Variants in RABGAP1L observed in about 807,000 individuals in gnomAD.
RABGAP1L encodes the protein RAB GTPase activating protein 1 like, also known as rab GTPase-activating protein 1-like.
RABGAP1L carries 63 observed loss-of-function variants against 137.7 expected under a neutral mutation model. The ratio of observed to expected loss-of-function variants is 0.46; its 90% confidence interval spans 0.37 to 0.56. RABGAP1L has a LOEUF of 0.56. Ranked by LOEUF, RABGAP1L falls within the 20% of genes least tolerant of loss-of-function variation. RABGAP1L has a pLI of 0.00. For synonymous variants in RABGAP1L, 431 were observed against 433.7 expected (o/e 0.99, Z 0.08); for missense variants, 1,095 against 1,244.0 (o/e 0.88, Z 1.80).
intron 1 of RABGAP1L, among the ~76,000 whole-genome samples, chr1:174,165,105 G>C (rs981602084): frequency 1.3e-5 from 2 of 152,188 alleles, no homozygotes; most frequent in African/African-American, 4.8e-5. Flanking sequence ...GTGGTAAAAA[G>C]ATAAAGATAA....
At chr1:174,263,249 A>G (rs996478511) in intron 7 of RABGAP1L, among the ~76,000 whole-genome samples, 3 of 152,294 alleles carry the variant, frequency 2.0e-5, no homozygotes, top group Non-Finnish European at 1.5e-5. Flanking sequence ...CAGTCCAACA[A>G]ACTTCTTTGC....
chr1:174,438,530 C>A (rs1383545990), intron 13 of RABGAP1L, among the ~76,000 whole-genome samples: 1 of 151,448 alleles, frequency 6.6e-6, no homozygotes, highest in Non-Finnish European at 1.5e-5. Flanking sequence ...CCAGCCTGGT[C>A]AACATAGTGA....
At chr1:174,418,418 A>G (rs1286456785) in intron 13 of RABGAP1L, among the ~76,000 whole-genome samples, 2 of 152,190 alleles carry the variant, frequency 1.3e-5, no homozygotes, top group African/African-American at 2.4e-5. Context: ...AAGTCACTGG[A>G]TAATTATTGA....
intron 14 of RABGAP1L, among the ~76,000 whole-genome samples, chr1:174,674,244 C>G (rs1572760670): frequency 8.1e-6 from 1 of 122,766 alleles, no homozygotes; most frequent in Non-Finnish European, 1.7e-5. Context: ...CCCCCTCCCC[C>G]CACCCCACAA....
chr1:174,649,067 A>T (rs1675234685), intron 14 of RABGAP1L, among the ~76,000 whole-genome samples: 1 of 151,546 alleles, frequency 6.6e-6, no homozygotes, highest in African/African-American at 2.4e-5. Context: ...ATATTCCCCC[A>T]TCTCTTTATT....
At chr1:174,190,117 A>G (rs996276910) in intron 1 of RABGAP1L, among the ~76,000 whole-genome samples, 7 of 152,126 alleles carry the variant, frequency 4.6e-5, no homozygotes, top group African/African-American at 7.2e-5. Context: ...ATCCTGGCCA[A>G]CATGGTGAAA....
At chr1:174,671,101 ATTG>A in intron 14 of RABGAP1L, among the ~76,000 whole-genome samples, 1 of 152,098 alleles carries the variant, frequency 6.6e-6, no homozygotes, top group East Asian at 1.9e-4. Context: ...TTTAAATGGA[ATTG>A]TTTTCATGAT....
At chr1:174,563,793 C>T (rs1667381867) in intron 13 of RABGAP1L, among the ~76,000 whole-genome samples, 1 of 152,012 alleles carries the variant, frequency 6.6e-6, no homozygotes, top group African/African-American at 2.4e-5. Flanking sequence ...TTCTGGTCCG[C>T]AAAATTGTAC....
chr1:174,890,156 G>A (rs2149115767), intron 19 of RABGAP1L, among the ~76,000 whole-genome samples: 1 of 152,342 alleles, frequency 6.6e-6, no homozygotes. Context: ...ATAGCACTGT[G>A]TTAAGCTTTG....
chr1:174,912,833 T>C (rs1660265476), intron 19 of RABGAP1L, among the ~76,000 whole-genome samples: 1 of 152,206 alleles, frequency 6.6e-6, no homozygotes, highest in South Asian at 2.1e-4. Flanking sequence ...ATACTCCTCA[T>C]TAAGCAGCAC....
At chr1:174,902,727 G>C (rs1342647709) in intron 19 of RABGAP1L, among the ~76,000 whole-genome samples, 1 of 152,166 alleles carries the variant, frequency 6.6e-6, no homozygotes, top group Non-Finnish European at 1.5e-5. Flanking sequence ...CCCTTGGCTG[G>C]GGGTGGAGTT....
In RABGAP1L at chr1:174,530,191, G is replaced by A. The variant is rs1381824900; in HGVS notation, c.1711-107184G>A. Among the ~76,000 whole-genome samples, 3 of 151,816 alleles carry A rather than the reference G, an allele frequency of 2.0e-5. No individual in the cohort carries two copies. The East Asian group carries it at 6.0e-4, about 30-fold the overall frequency. ...CAGCAGCACAACTGCCTTGTCACTG[G>A]GTGTACTACTTGCACCTCAGTCCCA... On this transcript the variant is annotated intron_variant, in intron 13 of 25. Coordinates refer to ENST00000681986, the MANE Select transcript of RABGAP1L (RefSeq NM_001366446.1).
chr1:174,165,609 C>T (rs1664844368), intron 1 of RABGAP1L, among the ~76,000 whole-genome samples: 2 of 151,858 alleles, frequency 1.3e-5, no homozygotes, highest in South Asian at 4.1e-4. Context: ...AACAGTTCTT[C>T]TGCCTCAGCC....
At chr1:174,392,427 G>A (rs953278502) in intron 12 of RABGAP1L, among the ~76,000 whole-genome samples, 23 of 152,242 alleles carry the variant, frequency 1.5e-4, no homozygotes, top group African/African-American at 5.1e-4. Flanking sequence ...TTATTTTAAG[G>A]TATGGTAGCA....
At chr1:174,331,923 G>T (rs762471203) in intron 11 of RABGAP1L, among the ~76,000 whole-genome samples, 1 of 150,056 alleles carries the variant, frequency 6.7e-6, no homozygotes, top group Non-Finnish European at 1.5e-5. Flanking sequence ...GAGAACATGC[G>T]GTGTTTGGTT....
At chr1:174,536,463 C>T (rs889536659) in intron 13 of RABGAP1L, among the ~76,000 whole-genome samples, 1 of 151,878 alleles carries the variant, frequency 6.6e-6, no homozygotes, top group Non-Finnish European at 1.5e-5. Flanking sequence ...TCCAGGATAA[C>T]TGAGAATGAT....
intron 13 of RABGAP1L, among the ~76,000 whole-genome samples, chr1:174,418,192 A>G (rs917235360): frequency 2.0e-5 from 3 of 152,214 alleles, no homozygotes; most frequent in Non-Finnish European, 2.9e-5. Context: ...AAAGCTGTAC[A>G]TCACTCCAAA....
chr1:174,386,920 G>C (rs774610966), intron 12 of RABGAP1L, among the ~76,000 whole-genome samples: 7 of 152,178 alleles, frequency 4.6e-5, no homozygotes, highest in Non-Finnish European at 7.3e-5. Flanking sequence ...ATTTTAAAGA[G>C]AGATTATGAG....
chr1:174,489,269 A>C (rs1037868551), intron 13 of RABGAP1L, among the ~76,000 whole-genome samples: 1 of 152,176 alleles, frequency 6.6e-6, no homozygotes, highest in African/African-American at 2.4e-5. Context: ...AAATTTTTGC[A>C]ATCTACCCAT....
Sources: allele counts gnomAD v4.1 joint callset (sites outside exome capture counted in the v4.1 genomes callset), GRCh38; gene constraint gnomAD v4.1.1; transcripts MANE v1.5; gene names NCBI Gene and HGNC (gene_info 2026-07-23, HGNC 2026-07-21).